Variants in ZNF475 observed in about 807,000 individuals in gnomAD.
ZNF475 encodes the protein zinc finger protein 475.
the ZNF475 span, among the ~76,000 whole-genome samples, chr5:122,165,218 C>T: frequency 6.6e-5 from 10 of 152,228 alleles, no homozygotes; most frequent in Non-Finnish European, 1.5e-4. Context: ...GTGTTTCCAG[C>T]AGAGGTCTCT....
chr5:122,182,647 C>G, the ZNF475 span: 1 of 1,533,452 alleles, frequency 6.5e-7, no homozygotes, highest in Non-Finnish European at 8.7e-7. Flanking sequence ...AAGTAAAGCC[C>G]TTTTCTCTCT....
At chr5:122,168,501 G>A in the ZNF475 span, among the ~76,000 whole-genome samples, 1 of 152,162 alleles carries the variant, frequency 6.6e-6, no homozygotes, top group Non-Finnish European at 1.5e-5. Flanking sequence ...ACGAGGTCAG[G>A]AGATTGAGAC....
At chr5:122,164,097 G>C in the ZNF475 span, among the ~76,000 whole-genome samples, 1 of 152,082 alleles carries the variant, frequency 6.6e-6, no homozygotes, top group African/African-American at 2.4e-5. Context: ...TTAGTCACTG[G>C]CACATTAATG....
chr5:122,179,383 T>A, the ZNF475 span, among the ~76,000 whole-genome samples: 276 of 152,272 alleles, frequency 1.8e-3, 4 homozygotes, highest in African/African-American at 6.4e-3. Flanking sequence ...GCATGGAATG[T>A]TTTTTCCATT....
the ZNF475 span, among the ~76,000 whole-genome samples, chr5:122,177,981 G>A: frequency 6.6e-6 from 1 of 152,102 alleles, no homozygotes; most frequent in South Asian, 2.1e-4. Flanking sequence ...ACTTATGAGT[G>A]AGAACATGGG....
chr5:122,162,094 A>G, the ZNF475 span: 1 of 152,208 alleles, frequency 6.6e-6, no homozygotes, highest in Admixed American at 6.5e-5. Context: ...GTAGCTCAAG[A>G]TTAACAATTA....
the ZNF475 span, among the ~76,000 whole-genome samples, chr5:122,175,740 G>A: frequency 1.3e-5 from 2 of 151,664 alleles, no homozygotes; most frequent in Non-Finnish European, 2.9e-5. Context: ...ACCTCCAATT[G>A]TGCCCTTAAT....
chr5:122,169,787 T>A, the ZNF475 span, among the ~76,000 whole-genome samples: 1 of 152,210 alleles, frequency 6.6e-6, no homozygotes, highest in Admixed American at 6.5e-5. Context: ...CAAATTATCC[T>A]TTTGACCACC....
At chr5:122,160,397 A>C in the ZNF475 span, 2 of 561,796 alleles carry the variant, frequency 3.6e-6, no homozygotes, top group Non-Finnish European at 5.9e-6. Context: ...CAACAGCCTC[A>C]TGAGTGAAAT....
At chr5:122,162,955 C>A in the ZNF475 span, 6 of 152,152 alleles carry the variant, frequency 3.9e-5, no homozygotes, top group Non-Finnish European at 5.9e-5. Context: ...CCACTGATGA[C>A]TGTATCTCCC....
the ZNF475 span, among the ~76,000 whole-genome samples, chr5:122,170,158 CT>C: frequency 6.6e-6 from 1 of 152,054 alleles, no homozygotes; most frequent in Non-Finnish European, 1.5e-5. Context: ...AAAGGAAAAC[CT>C]TTTCTATTGA....
At chr5:122,172,759 C>T in the ZNF475 span, among the ~76,000 whole-genome samples, 1 of 152,246 alleles carries the variant, frequency 6.6e-6, no homozygotes, top group East Asian at 1.9e-4. Context: ...GTGGGCCGGG[C>T]GCGGTGGCTC....
the ZNF475 span, among the ~76,000 whole-genome samples, chr5:122,169,657 A>C: frequency 6.6e-6 from 1 of 152,302 alleles, no homozygotes; most frequent in East Asian, 1.9e-4. Flanking sequence ...AAGTTTGCAC[A>C]AAACAGTCAA....
chr5:122,164,083 C>G, the ZNF475 span, among the ~76,000 whole-genome samples: 1 of 151,948 alleles, frequency 6.6e-6, no homozygotes. Flanking sequence ...GCAAAGATTC[C>G]CTTTTAGTCA....
At chr5:122,181,444 A>G in the ZNF475 span, among the ~76,000 whole-genome samples, 1 of 152,214 alleles carries the variant, frequency 6.6e-6, no homozygotes, top group African/African-American at 2.4e-5. Context: ...CTACACATTC[A>G]TATCCCACAT....
chr5:122,174,076 C>G, the ZNF475 span, among the ~76,000 whole-genome samples: 16 of 152,212 alleles, frequency 1.1e-4, no homozygotes, highest in African/African-American at 3.6e-4. Flanking sequence ...CCTCAGCCAC[C>G]CTTCCACTGC....
the ZNF475 span, among the ~76,000 whole-genome samples, chr5:122,179,222 A>G: frequency 6.6e-6 from 1 of 152,028 alleles, no homozygotes; most frequent in Admixed American, 6.6e-5. Flanking sequence ...TAGTTATACG[A>G]GCTCTTTTTT....
chr5:122,174,132 C>A, the ZNF475 span, among the ~76,000 whole-genome samples: 1 of 152,314 alleles, frequency 6.6e-6, no homozygotes, highest in South Asian at 2.1e-4. Flanking sequence ...ACAGACTGCA[C>A]ATTTGCTAAG....
the ZNF475 span, chr5:122,179,943 A>G: frequency 7.7e-6 from 3 of 388,988 alleles, no homozygotes; most frequent in East Asian, 7.9e-5. Flanking sequence ...TGTCCTGGCA[A>G]CACTGTGCAT....
Sources: allele counts gnomAD v4.1 joint callset (sites outside exome capture counted in the v4.1 genomes callset), GRCh38; gene constraint gnomAD v4.1.1; transcripts MANE v1.5; gene names NCBI Gene and HGNC (gene_info 2026-07-23, HGNC 2026-07-21).